The following FRMPD4 variants were observed in gnomAD, a reference collection of about 807,000 sequenced individuals.
FRMPD4 encodes FERM and PDZ domain-containing protein 4.
Under a neutral mutation model 94.1 loss-of-function variants are expected in FRMPD4, and 22 were observed. That is an observed-to-expected ratio of 0.23 (90% CI 0.17 to 0.33). The LOEUF is 0.33. Among genes scored for constraint, FRMPD4 ranks in the 10% least tolerant of loss-of-function variants. FRMPD4 has a pLI of 1.00. For synonymous variants in FRMPD4, 631 were observed against 548.6 expected, an observed-to-expected ratio of 1.15 and a Z score of -2.10; for missense variants, 1,111 against 1,339.9, an observed-to-expected ratio of 0.83 and a Z score of 2.67.
At chrX:12,716,001 T>TGGGCCCCCCCCC in intron 14 of FRMPD4, 68 bp from the exon 15 acceptor site, 2 of 231,648 alleles carry the variant, frequency 8.6e-6, no homozygotes, top group East Asian at 8.5e-5. Flanking sequence ...GAGACGAGCC[T>TGGGCCCCCCCCC]CCCACCCCCG....
chrX:12,683,427 T>A, intron 5 of FRMPD4, 56 bp from the exon 6 acceptor site: 4 of 630,066 alleles, frequency 6.3e-6, no homozygotes, highest in Non-Finnish European at 1.0e-5. Flanking sequence ...AAACAACTGT[T>A]ACAAGGTTTG....
chrX:12,103,913 G>T (rs796857349), intron 3 of FRMPD4, among the ~76,000 whole-genome samples: 1 of 111,652 alleles, frequency 9.0e-6, no homozygotes, highest in Non-Finnish European at 1.9e-5. Flanking sequence ...TCTATTTTGT[G>T]CTGCTATAAC....
At chrX:11,935,265 A>ATTTTTTTT (rs1569129069) in intron 3 of FRMPD4, among the ~76,000 whole-genome samples, 1 of 2,598 alleles carries the variant, frequency 3.8e-4, no homozygotes, top group African/African-American at 1.6e-3. Flanking sequence ...TTTTTTTTTA[A>ATTTTTTTT]TGTGTTTTTT....
intron 3 of FRMPD4, among the ~76,000 whole-genome samples, chrX:12,106,112 A>G (rs1569159372): frequency 9.0e-6 from 1 of 111,597 alleles, no homozygotes; most frequent in African/African-American, 3.3e-5. Context: ...ACAGATCAAT[A>G]AATGAAGGAG....
At chrX:12,695,211 A>G (rs1049004683) in intron 9 of FRMPD4, among the ~76,000 whole-genome samples, 9 of 111,496 alleles carry the variant, frequency 8.1e-5, no homozygotes, top group Non-Finnish European at 1.5e-4. Flanking sequence ...TTTGGGAAGA[A>G]CAACGCGAGT....
At chrX:12,120,248 G>A (rs1416555172) in intron 3 of FRMPD4, among the ~76,000 whole-genome samples, 1 of 112,521 alleles carries the variant, frequency 8.9e-6, no homozygotes, top group Non-Finnish European at 1.9e-5. Context: ...TTTTCAGTTA[G>A]AGAAATTAAC....
chrX:12,071,169 C>A (rs1161939549), intron 3 of FRMPD4, among the ~76,000 whole-genome samples: 1 of 110,532 alleles, frequency 9.0e-6, no homozygotes, highest in Non-Finnish European at 1.9e-5. Flanking sequence ...AACAGGCTTC[C>A]CTTTCCCCTT....
chrX:11,840,994 G>A (rs2053532783), intron 1 of FRMPD4, among the ~76,000 whole-genome samples: 1 of 104,948 alleles, frequency 9.5e-6, no homozygotes, highest in Non-Finnish European at 1.9e-5. Context: ...AATATGCGGT[G>A]TTTGGTTTTT....
chrX:12,441,967 C>T lies in FRMPD4; in HGVS notation c.42-56713C>T, dbSNP rs184088235. Among the ~76,000 whole-genome samples, 22 of 110,626 alleles carry T rather than the reference C, an allele frequency of 2.0e-4. 1 individual carries two copies. The highest frequency in any genetic ancestry group is 1.9e-3 in the Admixed American group (20 of 10,464). ...TTTGGGGAGTTGGGATGTTTCCAAG[C>T]ACAGTGTAATGAGCTCCTTTCAGAG... On this transcript the variant is annotated intron_variant, in intron 1 of 16. Transcript: ENST00000675598.
chrX:12,367,209 G>A (rs1298608168), intron 1 of FRMPD4, among the ~76,000 whole-genome samples: 1 of 111,451 alleles, frequency 9.0e-6, no homozygotes, highest in Non-Finnish European at 1.9e-5. Flanking sequence ...ATGAAGGCTC[G>A]GTTTTCTGTA....
chrX:11,864,057 T>C (rs1053948477), intron 1 of FRMPD4, among the ~76,000 whole-genome samples: 8 of 111,106 alleles, frequency 7.2e-5, no homozygotes, highest in Non-Finnish European at 1.5e-4. Flanking sequence ...TTGGATATCA[T>C]GGTAATGTCA....
At chrX:11,996,342 A>G (rs1269309068) in intron 3 of FRMPD4, among the ~76,000 whole-genome samples, 1 of 111,927 alleles carries the variant, frequency 8.9e-6, no homozygotes, top group Non-Finnish European at 1.9e-5. Context: ...CCCTCTCCAG[A>G]CACCCTTTTG....
At chrX:12,099,077 G>T (rs1406531085) in intron 3 of FRMPD4, among the ~76,000 whole-genome samples, 1 of 74,262 alleles carries the variant, frequency 1.3e-5, no homozygotes, top group South Asian at 1.2e-3. Flanking sequence ...GTGGGGGGAG[G>T]GGGGAGGGGG....
chrX:12,117,537 G>A (rs908147825), intron 3 of FRMPD4, among the ~76,000 whole-genome samples: 9 of 111,216 alleles, frequency 8.1e-5, no homozygotes, highest in African/African-American at 2.3e-4. Context: ...CCCCTTCAAG[G>A]ATATTGAACT....
intron 3 of FRMPD4, among the ~76,000 whole-genome samples, chrX:11,991,026 G>T (rs1282463641): frequency 8.9e-6 from 1 of 112,008 alleles, no homozygotes; most frequent in East Asian, 2.8e-4. Context: ...TGTTCTAGGG[G>T]TTATCTGTAG....
chrX:12,246,523 G>A (rs1235330132), intron 1 of FRMPD4, among the ~76,000 whole-genome samples: 2 of 111,481 alleles, frequency 1.8e-5, no homozygotes, highest in Non-Finnish European at 3.8e-5. Context: ...TGAGCTTTAT[G>A]GTGTTCATTC....
chrX:12,465,080 TAGAG>T (rs1354858334), intron 1 of FRMPD4, among the ~76,000 whole-genome samples: 9 of 112,001 alleles, frequency 8.0e-5, no homozygotes, highest in Non-Finnish European at 1.3e-4. Context: ...TCCCAGTAGT[TAGAG>T]AGTATTTTGA....
At chrX:11,830,048 A>C (rs1232280573) in intron 1 of FRMPD4, among the ~76,000 whole-genome samples, 1 of 111,568 alleles carries the variant, frequency 9.0e-6, no homozygotes, top group Non-Finnish European at 1.9e-5. Context: ...ACCAAGAGAC[A>C]TTGCCTATGG....
At chrX:12,684,351 T>C (rs2060000609) in intron 6 of FRMPD4, among the ~76,000 whole-genome samples, 2 of 112,325 alleles carry the variant, frequency 1.8e-5, no homozygotes, top group Non-Finnish European at 3.8e-5. Flanking sequence ...GGATAAAATC[T>C]CACCTATGAT....
Sources: allele counts gnomAD v4.1 joint callset (sites outside exome capture counted in the v4.1 genomes callset), GRCh38; gene constraint gnomAD v4.1.1; transcripts MANE v1.5; gene names NCBI Gene and HGNC (gene_info 2026-07-23, HGNC 2026-07-21).